CELA2A: variants seen among roughly 807,000 people sequenced by gnomAD.
The protein encoded by CELA2A is chymotrypsin like elastase 2A.
A neutral mutation model predicts 35.3 loss-of-function variants in CELA2A; 31 were observed. The observed-to-expected ratio is 0.88, with a 90% CI of 0.66 to 1.19. The LOEUF (loss-of-function observed/expected upper bound fraction) is 1.19, where lower values mean the gene tolerates loss of function less well. CELA2A is among the 50% of genes most tolerant of loss of function. The pLI is 0.00. For missense variants in CELA2A, 330 were observed against 352.9 expected (o/e 0.94, Z 0.52); for synonymous variants, 150 against 149.8 (o/e 1.00, Z -0.01).
At chr1:15,462,628 C>T in intron 3 of CELA2A, 105 bp from the exon 4 acceptor site, 1 of 1,409,290 alleles carries the variant, frequency 7.1e-7, no homozygotes, top group Non-Finnish European at 9.7e-7. Flanking sequence ...TCCCCAAGTC[C>T]CATCTAGTGG....
intron 4 of CELA2A, chr1:15,463,115 C>A: frequency 1.4e-6 from 1 of 718,092 alleles, no homozygotes; most frequent in Non-Finnish European, 2.3e-6. Flanking sequence ...CCCCTGTCCG[C>A]TGAGCATGTA....
At chr1:15,462,920 C>T (rs1708456917) in intron 4 of CELA2A, 59 bp downstream of exon 4, 5 of 1,610,834 alleles carry the variant, frequency 3.1e-6, no homozygotes, top group African/African-American at 1.3e-5. Flanking sequence ...ATGGGGGTCT[C>T]ACAGAGGCAA....
At chr1:15,461,376 G>C (rs1331830637) in intron 2 of CELA2A, among the ~76,000 whole-genome samples, 185 bp from the exon 3 acceptor site, 1 of 152,168 alleles carries the variant, frequency 6.6e-6, no homozygotes, top group Non-Finnish European at 1.5e-5. Context: ...TGTTTTTCAT[G>C]TAGATTGCAT....
Position 15,466,071 on chromosome 1 carries a change from C to G in CELA2A, c.566C>G (p.Ser189Cys). 1 of 1,614,164 alleles carries G rather than the reference C, an allele frequency of 6.2e-7. No homozygotes were observed. Among genetic ancestry groups the G allele is most frequent in the Non-Finnish European group, 8.5e-7 (1 of 1,180,032 alleles). Residue 189 changes from serine to cysteine, a missense_variant, in exon 6 of 8, where the codon TCT becomes TGT. Transcript: ENST00000359621. ...GTGGACTATGCCACCTGCTCCAGCTCTGCCTGGTGGGGCAGCAGCGTGAAA... is the reference window on the plus strand; with the variant it reads ...GTGGACTATGCCACCTGCTCCAGCTGTGCCTGGTGGGGCAGCAGCGTGAAA... ...LVVDYATCSS[S>C]AWWGSSVKTS...
intron 1 of CELA2A, 100 bp from the exon 2 acceptor site, chr1:15,456,986 A>C: frequency 7.4e-7 from 1 of 1,343,418 alleles, no homozygotes. Context: ...ATCCTTCTAG[A>C]ACAAGGGTTT....
intron 2 of CELA2A, 178 bp downstream of exon 2, chr1:15,457,352 C>G (rs992031644): frequency 6.3e-6 from 4 of 630,440 alleles, no homozygotes; most frequent in Non-Finnish European, 1.1e-5. Context: ...TGGCTCATGC[C>G]TGTTATCCCA....
At chr1:15,463,675 T>C (rs1708472040) in intron 5 of CELA2A, among the ~76,000 whole-genome samples, 153 bp downstream of exon 5, 2 of 152,150 alleles carry the variant, frequency 1.3e-5, no homozygotes, top group African/African-American at 4.8e-5. Context: ...TGGGATCAAA[T>C]GTCAGCTCTC....
Position 15,467,240 on chromosome 1 carries a change from T to A in CELA2A, c.640-146T>A, listed in dbSNP as rs376578747. On this transcript the variant is annotated intron_variant, in intron 6 of 7. Coordinates refer to ENST00000359621, the MANE Select transcript of CELA2A (RefSeq NM_033440.3). The stretch of plus-strand genomic sequence containing the variant: ...TAAGTGTTGGCTCTTGTTGGAATTA[T>A]GGTACCACCTTGGGCTATGACCACA... 1.5e-4 allele frequency: 114 copies of A among 754,718 alleles called. 1 individual carries two copies. In the African/African-American group the frequency reaches 1.8e-3, roughly 12 times the overall value. The allele number at this position is 754,718 out of a possible 1,614,324, so 46.8% of individuals were successfully genotyped here.
intron 6 of CELA2A, among the ~76,000 whole-genome samples, chr1:15,466,998 A>G (rs1227883730): frequency 1.3e-5 from 2 of 152,192 alleles, no homozygotes; most frequent in Non-Finnish European, 1.5e-5. Context: ...AGACGGAACC[A>G]GTGGGGAAGA....
In CELA2A at chr1:15,468,590, T is replaced by G. The variant is rs192109181; in HGVS notation, c.792+1052T>G. Among the ~76,000 whole-genome samples the G allele has an allele frequency of 3.9e-3, 596 of 152,154 alleles. 3 individuals carry two copies. Among genetic ancestry groups the G allele is most frequent in the Middle Eastern group, 0.017 (5 of 290 alleles). On this transcript the variant is annotated intron_variant, in intron 7 of 7. Coordinates refer to ENST00000359621, the MANE Select transcript of CELA2A (RefSeq NM_033440.3). Reference sequence around the variant, plus strand: ...GGGAGGCCAAGGAGGGAGGATTGCTTGAGCCCAGGAGTTCAAGAGCATCCT... The same window carrying G: ...GGGAGGCCAAGGAGGGAGGATTGCTGGAGCCCAGGAGTTCAAGAGCATCCT...
At chr1:15,463,595 G>A (rs748102442) in intron 5 of CELA2A, 73 bp downstream of exon 5, 11 of 1,602,870 alleles carry the variant, frequency 6.9e-6, no homozygotes, top group Admixed American at 1.7e-5. Context: ...TCTGGCCGGG[G>A]CCTCTCACCT....
chr1:15,470,411 A>C lies in CELA2A; in HGVS notation c.793-1579A>C, dbSNP rs72865191. Among the ~76,000 whole-genome samples the C allele has an allele frequency of 2.2e-3, 339 of 152,274 alleles. 3 individuals are homozygous for C. The highest frequency in any genetic ancestry group is 7.9e-3 in the African/African-American group (329 of 41,560). On this transcript the variant is annotated intron_variant, in intron 7 of 7. Transcript: ENST00000359621. ...TCATCCTTTCAACAAATGTCCATTG[A>C]ATGACAGTCACATGTGAACCTTCAG...
intron 7 of CELA2A, among the ~76,000 whole-genome samples, chr1:15,470,271 G>T (rs1361479010): frequency 1.3e-5 from 2 of 152,122 alleles, no homozygotes; most frequent in African/African-American, 4.8e-5. Flanking sequence ...TACCACTAGA[G>T]CCCTGGGGGT....
rs1434599572 is a variant in CELA2A, at chr1:15,461,547, T to C, written c.130-14T>C. On this transcript the variant is annotated splice_polypyrimidine_tract_variant and intron_variant, in intron 2 of 7. Transcript: ENST00000359621. Reference sequence around the variant, plus strand: ...TTTCAAACCTAGCCACAGAGCTCCTTTGCTTCTCCCCAGGTCTCCCTGCAG... The same window carrying C: ...TTTCAAACCTAGCCACAGAGCTCCTCTGCTTCTCCCCAGGTCTCCCTGCAG... 8 of 1,611,958 alleles carry C rather than the reference T, an allele frequency of 5.0e-6. No homozygotes were observed. Among genetic ancestry groups the C allele is most frequent in the Non-Finnish European group, 5.9e-6 (7 of 1,179,834 alleles).
intron 7 of CELA2A, among the ~76,000 whole-genome samples, chr1:15,469,292 G>T (rs1708561064): frequency 6.6e-6 from 1 of 152,170 alleles, no homozygotes; most frequent in Non-Finnish European, 1.5e-5. Flanking sequence ...GCCAATGAGG[G>T]ACCAGCTCAG....
intron 6 of CELA2A, 107 bp downstream of exon 6, chr1:15,466,251 T>G (rs1708516555): frequency 7.6e-7 from 1 of 1,322,106 alleles, no homozygotes; most frequent in Non-Finnish European, 1.1e-6. Flanking sequence ...CTGGCAGAAT[T>G]ACCCCGAAAC....
At chr1:15,461,435 T>G (rs1183568569) in intron 2 of CELA2A, 126 bp from the exon 3 acceptor site, 11 of 909,628 alleles carry the variant, frequency 1.2e-5, no homozygotes, top group Non-Finnish European at 1.7e-5. Flanking sequence ...CTGCCTTAAG[T>G]TGTGCACATG....
intron 6 of CELA2A, among the ~76,000 whole-genome samples, chr1:15,466,687 G>T (rs1307993133): frequency 6.6e-6 from 1 of 152,204 alleles, no homozygotes; most frequent in Non-Finnish European, 1.5e-5. Context: ...AAGGTCTCTC[G>T]TGACTGTCAC....
Position 15,471,279 on chromosome 1 carries a change from G to T in CELA2A, c.793-711G>T, listed in dbSNP as rs1233855231. ...AATGTTTAACAGGCTGGGCGCGGTG[G>T]CTCACGCCTGTAATCTGAGCACTTT... On this transcript the variant is annotated intron_variant, in intron 7 of 7. Transcript: ENST00000359621. 2.6e-5 allele frequency among the ~76,000 whole-genome samples: 4 copies of T among 152,164 alleles called. No individual in the cohort carries two copies. The South Asian group carries it at 8.3e-4, about 32-fold the overall frequency.
Sources: gnomAD v4.1 joint callset for allele counts (sites outside exome capture counted in the v4.1 genomes callset) on GRCh38, gnomAD v4.1.1 for gene constraint, MANE v1.5 for transcripts, NCBI Gene and HGNC (gene_info 2026-07-23, HGNC 2026-07-21) for gene names.